GCN1: variants seen among roughly 807,000 people sequenced by gnomAD.
The protein encoded by GCN1 is stalled ribosome sensor GCN1.
Under a neutral mutation model 288.4 loss-of-function variants are expected in GCN1, and 90 were observed. The ratio of observed to expected loss-of-function variants is 0.31; its 90% CI spans 0.26 to 0.37. The LOEUF (loss-of-function observed/expected upper bound fraction) is 0.37, where lower values mean the gene tolerates loss of function less well. GCN1 is among the 10% of genes least tolerant of loss of function. The pLI, the probability that GCN1 is intolerant of heterozygous loss-of-function variation, is 1.00. For missense variants in GCN1, 2,586 were observed against 3,419.9 expected, an observed-to-expected ratio of 0.76 and a Z score of 6.08; for synonymous variants, 1,386 against 1,420.2, an observed-to-expected ratio of 0.98 and a Z score of 0.54.
Position 120,177,748 on chromosome 12 carries a change from G to A in GCN1, c.665C>T (p.Ala222Val), listed in dbSNP as rs758826464. The A allele has an allele frequency of 1.2e-6, 2 of 1,609,882 alleles. No individual in the cohort carries two copies. Among genetic ancestry groups the A allele is most frequent in the Non-Finnish European group, 8.5e-7 (1 of 1,176,188 alleles). Residue 222 changes from alanine (A) to valine (V), a missense_variant, in exon 8 of 58, where the codon GCC becomes GTC. Ala to Val is a moderately conservative substitution (Grantham distance 64). This residue lies in a region of GCN1 where 913 missense variants were observed against 1,107.0 expected (regional missense o/e 0.82). Coordinates refer to ENST00000300648, the MANE Select transcript of GCN1 (RefSeq NM_006836.2). The stretch of plus-strand genomic sequence containing the variant: ...GTTCTTCATGTAAAAGTCCAGTAGG[G>A]CGCTCTAGAGAACACAAAGCTCTGG... ...EMDVVSQHKS[A>V]LLDFYMKNIL...
At chr12:120,140,760 A>G in intron 45 of GCN1, 99 bp downstream of exon 45, 1 of 1,188,670 alleles carries the variant, frequency 8.4e-7, no homozygotes, top group Non-Finnish European at 1.2e-6. Context: ...AGGGCAGCAC[A>G]AACCCCCTAG....
At chr12:120,184,320 A>G (rs925370989) in intron 3 of GCN1, 77 bp from the exon 4 acceptor site, 5 of 1,303,650 alleles carry the variant, frequency 3.8e-6, no homozygotes, top group Non-Finnish European at 5.3e-6. Context: ...CAGGCCATAC[A>G]CTGGTCTTTC....
At chr12:120,164,831 A>T in intron 16 of GCN1, 110 bp from the exon 17 acceptor site, 1 of 672,018 alleles carries the variant, frequency 1.5e-6, no homozygotes, top group Admixed American at 3.0e-5. Context: ...CCAAAATATA[A>T]ATGTGATTAT....
chr12:120,141,203 C>G (rs1317818808), intron 44 of GCN1, among the ~76,000 whole-genome samples, 180 bp from the exon 45 acceptor site: 1 of 152,152 alleles, frequency 6.6e-6, no homozygotes, highest in Non-Finnish European at 1.5e-5. Flanking sequence ...TTGCAAAACA[C>G]TACCAAAAAA....
intron 24 of GCN1, 80 bp downstream of exon 24, chr12:120,159,745 C>T: frequency 7.9e-7 from 1 of 1,259,892 alleles, no homozygotes; most frequent in Non-Finnish European, 1.2e-6. Context: ...CACCTCCCCA[C>T]AAGCACTCAG....
At chr12:120,168,122 G>A in intron 16 of GCN1, 86 bp downstream of exon 16, 2 of 838,810 alleles carry the variant, frequency 2.4e-6, no homozygotes, top group Admixed American at 1.7e-5. Flanking sequence ...AGACCTGACT[G>A]GTTGGTCAAG....
intron 24 of GCN1, among the ~76,000 whole-genome samples, chr12:120,159,122 A>G (rs1877847316): frequency 6.6e-6 from 1 of 152,052 alleles, no homozygotes. Context: ...TGCCCTTTGG[A>G]CATTTAAGAA....
intron 42 of GCN1, among the ~76,000 whole-genome samples, chr12:120,143,916 G>A (rs368768386): frequency 1.3e-5 from 2 of 152,210 alleles, no homozygotes; most frequent in Admixed American, 1.3e-4. Flanking sequence ...GAGAGTTCTT[G>A]GCAACATTCT....
chr12:120,134,523 A>C lies in GCN1; in HGVS notation c.7202+10T>G. The C allele has an allele frequency of 6.2e-7, 1 of 1,611,470 alleles. No homozygotes were observed. Among genetic ancestry groups the C allele is most frequent in the Non-Finnish European group, 8.5e-7 (1 of 1,177,820 alleles). On this transcript the variant is annotated intron_variant, in intron 52 of 57. Transcript: ENST00000300648. The surrounding 1 kb of genome is among the most constrained non-coding windows in gnomAD (Gnocchi z 5.0). The stretch of plus-strand genomic sequence containing the variant: ...CTGGAGGCCACAGTGCTCCCTTGCC[A>C]GCGCCGTACCTGACACCTGGGTCCT...
At chr12:120,194,631 G>A in intron 1 of GCN1, 49 bp downstream of exon 1, 2 of 1,500,102 alleles carry the variant, frequency 1.3e-6, no homozygotes, top group Admixed American at 2.0e-5. Flanking sequence ...GACGGCCACC[G>A]TCCGCACCCA....
rs1216662568 is a variant in GCN1 at position 120,127,717 on chromosome 12, G to A, written c.*132C>T. The A allele has an allele frequency of 2.1e-6, 2 of 969,770 alleles. No individual in the cohort carries two copies. Among genetic ancestry groups the A allele is most frequent in the Non-Finnish European group, 1.6e-6 (1 of 644,500 alleles). The allele number at this position is 969,770 out of a possible 1,614,324, so 60.1% of individuals were successfully genotyped here. A position where few individuals can be genotyped will look rare whatever the true frequency, so the allele number is the denominator to read the frequency against. ...GTGGGTTTGATTTAAGGCTTTGGCTGTGGTCTATTGATATTAAAATACTTT... is the reference window on the plus strand; with the variant it reads ...GTGGGTTTGATTTAAGGCTTTGGCTATGGTCTATTGATATTAAAATACTTT... On this transcript the variant is annotated 3_prime_UTR_variant, in exon 58 of 58. Coordinates refer to ENST00000300648, the MANE Select transcript of GCN1 (RefSeq NM_006836.2).
At chr12:120,191,621 A>G (rs1477771512) in intron 1 of GCN1, among the ~76,000 whole-genome samples, 1 of 152,238 alleles carries the variant, frequency 6.6e-6, no homozygotes, top group Admixed American at 6.5e-5. Context: ...TCCCTGCCAT[A>G]ATTCTATTGG....
Position 120,149,975 on chromosome 12 carries a change from C to G in GCN1, c.4378G>C (p.Val1460Leu). 1 of 1,614,082 alleles carries G rather than the reference C, an allele frequency of 6.2e-7. No individual in the cohort carries two copies. Among genetic ancestry groups the G allele is most frequent in the Non-Finnish European group, 8.5e-7 (1 of 1,179,980 alleles). ...GKLFEPYVVH[V>L]LPHLLLCFGD... Reference sequence around the variant, plus strand: ...AAGCACAGGAGCAGATGGGGCAGCACGTGAACCACATACGGCTCAAAAAGT... The same window carrying G: ...AAGCACAGGAGCAGATGGGGCAGCAGGTGAACCACATACGGCTCAAAAAGT... Residue 1460 changes from valine to leucine, a missense_variant, in exon 35 of 58, where the codon GTG (valine) becomes CTG (leucine). By Grantham distance (32) the Val-to-Leu change is conservative (BLOSUM62 1). Around this residue, in one of 8 missense-constraint regions of GCN1, gnomAD observed 371 missense variants for 572.6 expected, o/e 0.65. Coordinates refer to ENST00000300648, the MANE Select transcript of GCN1 (RefSeq NM_006836.2).
At chr12:120,139,691 A>C (rs1269020102) in intron 45 of GCN1, among the ~76,000 whole-genome samples, 8 of 152,006 alleles carry the variant, frequency 5.3e-5, no homozygotes, top group Non-Finnish European at 5.9e-5. Flanking sequence ...AGACTTAATA[A>C]TCAACAGCTT....
chr12:120,150,176 T>C (rs767004402), intron 34 of GCN1, 133 bp from the exon 35 acceptor site: 16 of 809,320 alleles, frequency 2.0e-5, no homozygotes, highest in East Asian at 2.7e-5. Context: ...GTGGAACTAG[T>C]AGATGCCCCA....
At chr12:120,193,942 C>A (rs1224373988) in intron 1 of GCN1, among the ~76,000 whole-genome samples, 2 of 152,190 alleles carry the variant, frequency 1.3e-5, no homozygotes, top group African/African-American at 4.8e-5. Flanking sequence ...TGCCTCATGA[C>A]AATGTCTTTT....
At chr12:120,175,698 C>T (rs753082732) in intron 11 of GCN1, 48 bp downstream of exon 11, 1 of 1,575,238 alleles carries the variant, frequency 6.3e-7, no homozygotes, top group Admixed American at 1.9e-5. Flanking sequence ...GAGGGAAATA[C>T]CAGGGGCCAC....
intron 2 of GCN1, 118 bp from the exon 3 acceptor site, chr12:120,185,005 C>A: frequency 1.4e-6 from 1 of 694,244 alleles, no homozygotes; most frequent in East Asian, 2.7e-5. Context: ...ATATTTAAGA[C>A]CTTCCTCCCC....
At position 120,145,320 on chromosome 12, in the gene GCN1, G is replaced by A; in HGVS notation, c.4958C>T (p.Pro1653Leu). ...YSLTDQKDLA[P>L]YLPSVTPGLK... ...GCCAGGCGTCACGCTGGGCAGGTAC[G>A]GAGCCAAGTCCTGCAACAACACAGG... Residue 1653 changes from proline (P) to leucine (L), a missense_variant, in exon 39 of 58, where the codon CCG (proline) becomes CTG (leucine). Physicochemically the swap from Pro to Leu is moderately conservative, Grantham distance 98. Around this residue, in one of 8 missense-constraint regions of GCN1, gnomAD observed 371 missense variants for 572.6 expected, o/e 0.65. Transcript: ENST00000300648. 2 of 1,588,730 alleles carry A rather than the reference G, an allele frequency of 1.3e-6. No individual in the cohort carries two copies. Among genetic ancestry groups the A allele is most frequent in the South Asian group, 2.3e-5 (2 of 87,682 alleles).
Sources: gnomAD v4.1 joint callset for allele counts (sites outside exome capture counted in the v4.1 genomes callset) on GRCh38, gnomAD v4.1.1 for gene constraint, gnomAD v4.1.1 regional missense constraint, Gnocchi (gnomAD v3.1) non-coding constraint, MANE v1.5 for transcripts, NCBI Gene and HGNC (gene_info 2026-07-23, HGNC 2026-07-21) for gene names.